CTTNBP2: variants seen among roughly 807,000 people sequenced by gnomAD.
The protein encoded by CTTNBP2 is cortactin-binding protein 2.
Under a neutral mutation model 156.9 loss-of-function variants are expected in CTTNBP2, and 108 were observed. That is an observed-to-expected ratio of 0.69 (90% CI 0.59 to 0.81). CTTNBP2 has a LOEUF of 0.81. CTTNBP2 is among the 30% of genes least tolerant of loss of function. The pLI, the probability that CTTNBP2 is intolerant of heterozygous loss-of-function variation, is 0.00. For synonymous variants in CTTNBP2, 767 were observed against 751.8 expected (o/e 1.02, Z -0.33); for missense variants, 1,924 against 2,035.4 (o/e 0.95, Z 1.05).
At chr7:117,744,715 T>C (rs1322779434) in intron 14 of CTTNBP2, among the ~76,000 whole-genome samples, 2 of 128,560 alleles carry the variant, frequency 1.6e-5, no homozygotes, top group Admixed American at 1.4e-4. Flanking sequence ...GCAAACTCTT[T>C]GTCTACAAAA....
chr7:117,726,193 C>T (rs1795087967), intron 17 of CTTNBP2, among the ~76,000 whole-genome samples: 1 of 152,174 alleles, frequency 6.6e-6, no homozygotes, highest in South Asian at 2.1e-4. Flanking sequence ...AAAGATTATG[C>T]TTTGTTGCAG....
In CTTNBP2 at chr7:117,724,592, G is replaced by C; in HGVS notation, c.4402C>G (p.Arg1468Gly). ...VNTSPRRKSG[R>G]FSLPTWNKPD... ...TTATTCCAGGTGGGTAAAGAGAAGC[G>C]GCCAGACTTCCTGCGAGGACTGGTG... Residue 1468 changes from arginine to glycine, a missense_variant, in exon 19 of 23, where the codon CGC becomes GGC. Transcript: ENST00000160373. 6.2e-7 allele frequency: 1 copy of C among 1,614,010 alleles called. No homozygotes were observed. Among genetic ancestry groups the C allele is most frequent in the South Asian group, 1.1e-5 (1 of 91,050 alleles).
chr7:117,828,507 A>G (rs1801426496), intron 2 of CTTNBP2, among the ~76,000 whole-genome samples: 1 of 152,166 alleles, frequency 6.6e-6, no homozygotes. Flanking sequence ...ACAGGGTAAG[A>G]ATCTATTTCA....
chr7:117,751,722 A>G (rs945685100), intron 12 of CTTNBP2, among the ~76,000 whole-genome samples: 1 of 152,216 alleles, frequency 6.6e-6, no homozygotes, highest in East Asian at 1.9e-4. Flanking sequence ...ACTAACTTCA[A>G]ATATAGACAG....
chr7:117,866,917 T>C (rs1804238704), intron 1 of CTTNBP2, among the ~76,000 whole-genome samples: 1 of 152,214 alleles, frequency 6.6e-6, no homozygotes, highest in African/African-American at 2.4e-5. Flanking sequence ...TAGAACTTTC[T>C]ATGTAAGCAA....
At chr7:117,746,231 T>C (rs374315076) in intron 12 of CTTNBP2, 132 bp from the exon 13 acceptor site, 2 of 649,322 alleles carry the variant, frequency 3.1e-6, no homozygotes, top group South Asian at 1.9e-5. Flanking sequence ...ATTTTAGAGA[T>C]TAGCTTTATC....
chr7:117,750,239 T>C (rs1007661326), intron 12 of CTTNBP2, among the ~76,000 whole-genome samples: 12 of 152,132 alleles, frequency 7.9e-5, no homozygotes, highest in Non-Finnish European at 1.2e-4. Context: ...GATTTTGAAA[T>C]CAAATAACAT....
chr7:117,736,374 T>A (rs1795688894), intron 14 of CTTNBP2, among the ~76,000 whole-genome samples: 1 of 152,010 alleles, frequency 6.6e-6, no homozygotes, highest in South Asian at 2.1e-4. Flanking sequence ...GAGGATCACC[T>A]GAGCCCAGTG....
At chr7:117,850,287 G>A (rs1802854832) in intron 2 of CTTNBP2, among the ~76,000 whole-genome samples, 1 of 152,182 alleles carries the variant, frequency 6.6e-6, no homozygotes. Flanking sequence ...TATGTATATG[G>A]TTTGGTTCAA....
At chr7:117,741,698 G>T (rs1796027055) in intron 14 of CTTNBP2, among the ~76,000 whole-genome samples, 1 of 152,114 alleles carries the variant, frequency 6.6e-6, no homozygotes, top group Admixed American at 6.5e-5. Flanking sequence ...TTTGTCCTTA[G>T]TCTATTGTTC....
Position 117,802,259 on chromosome 7 carries a change from G to A in CTTNBP2, c.414+8506C>T, listed in dbSNP as rs188279199. 2.1e-3 allele frequency among the ~76,000 whole-genome samples: 326 copies of A among 151,692 alleles called. 1 individual carries two copies. The highest frequency in any genetic ancestry group is 7.7e-3 in the African/African-American group (319 of 41,388). ...GATATAGTAATCACTTGAATATGAG[G>A]AAGGATTTCTTTTAAAAGCTTCAAA... On this transcript the variant is annotated intron_variant, in intron 3 of 22. Coordinates refer to ENST00000160373, the MANE Select transcript of CTTNBP2 (RefSeq NM_033427.3).
intron 22 of CTTNBP2, among the ~76,000 whole-genome samples, chr7:117,717,493 C>T (rs1794485864): frequency 6.6e-6 from 1 of 152,106 alleles, no homozygotes. Context: ...TCTGGAAATA[C>T]ACAATTCATA....
intron 2 of CTTNBP2, among the ~76,000 whole-genome samples, chr7:117,827,135 A>G (rs1227889361): frequency 1.3e-5 from 2 of 152,184 alleles, no homozygotes; most frequent in Non-Finnish European, 2.9e-5. Flanking sequence ...CTGGGATTAC[A>G]GGCATTAGCC....
intron 1 of CTTNBP2, chr7:117,872,016 G>C (rs1490995737): frequency 1.0e-6 from 1 of 957,936 alleles, no homozygotes; most frequent in African/African-American, 1.8e-5. Context: ...CACATAAGTG[G>C]GCAGGTTTCG....
At chr7:117,872,684 A>G (rs547453612) in intron 1 of CTTNBP2, among the ~76,000 whole-genome samples, 55 of 152,134 alleles carry the variant, frequency 3.6e-4, no homozygotes, top group African/African-American at 1.3e-3. Flanking sequence ...GGAAGAACCA[A>G]TCCATCCACC....
chr7:117,855,108 G>T (rs1478679230), intron 2 of CTTNBP2, among the ~76,000 whole-genome samples: 2 of 152,076 alleles, frequency 1.3e-5, no homozygotes, highest in South Asian at 4.1e-4. Flanking sequence ...ATAATCACTG[G>T]CAAATTAAAT....
At chr7:117,773,092 A>G (rs950775110) in intron 8 of CTTNBP2, among the ~76,000 whole-genome samples, 2 of 152,270 alleles carry the variant, frequency 1.3e-5, no homozygotes, top group African/African-American at 2.4e-5. Flanking sequence ...ATTTCTATTT[A>G]TCATGATAAA....
At chr7:117,760,768 A>T (rs753087331) in intron 9 of CTTNBP2, 58 bp from the exon 10 acceptor site, 20 of 1,160,032 alleles carry the variant, frequency 1.7e-5, no homozygotes, top group Non-Finnish European at 2.2e-5. Flanking sequence ...AAAAAAAGTA[A>T]AACTATTACA....
At chr7:117,746,236 T>G (rs1456115659) in intron 12 of CTTNBP2, 137 bp from the exon 13 acceptor site, 3 of 638,450 alleles carry the variant, frequency 4.7e-6, no homozygotes, top group Non-Finnish European at 8.3e-6. Context: ...AGAGATTAGC[T>G]TTATCATTGG....
Sources: allele counts gnomAD v4.1 joint callset (sites outside exome capture counted in the v4.1 genomes callset), GRCh38; gene constraint gnomAD v4.1.1; transcripts MANE v1.5; gene names NCBI Gene and HGNC (gene_info 2026-07-23, HGNC 2026-07-21).